COL11A1: variants seen among roughly 807,000 people sequenced by gnomAD.
The protein encoded by COL11A1 is collagen type XI alpha 1 chain, also known as collagen alpha-1(XI) chain.
COL11A1 carries 74 observed loss-of-function variants against 265.2 expected under a neutral mutation model. That is an observed-to-expected ratio of 0.28 (90% confidence interval 0.23 to 0.34). The LOEUF is 0.34. Among genes scored for constraint, COL11A1 ranks in the 10% least tolerant of loss-of-function variants. COL11A1 has a pLI of 1.00. For synonymous variants in COL11A1, 816 were observed against 727.6 expected, an observed-to-expected ratio of 1.12 and a Z score of -1.96; for missense variants, 2,165 against 2,263.6, an observed-to-expected ratio of 0.96 and a Z score of 0.88.
chr1:102,898,337 G>T (rs1022960672), intron 56 of COL11A1, among the ~76,000 whole-genome samples, 159 bp from the exon 57 acceptor site: 2 of 151,412 alleles, frequency 1.3e-5, no homozygotes, highest in African/African-American at 4.8e-5. Flanking sequence ...ATAATTTTGT[G>T]TCTTTAATAT....
intron 46 of COL11A1, among the ~76,000 whole-genome samples, chr1:102,924,933 T>C (rs1656421692): frequency 6.6e-6 from 1 of 151,978 alleles, no homozygotes; most frequent in South Asian, 2.1e-4. Context: ...GTTTCTAATA[T>C]TGTAGGATTA....
intron 32 of COL11A1, 49 bp from the exon 33 acceptor site, chr1:102,979,153 T>C: frequency 6.5e-7 from 1 of 1,545,194 alleles, no homozygotes; most frequent in Non-Finnish European, 8.9e-7. Context: ...CAGTAAATTA[T>C]GAGCCTGGTG....
At chr1:102,881,661 C>G in intron 65 of COL11A1, 36 bp downstream of exon 65, 3 of 1,493,450 alleles carry the variant, frequency 2.0e-6, no homozygotes, top group Non-Finnish European at 1.9e-6. Flanking sequence ...TTCTTGAGTT[C>G]GTGAAAAATC....
At chr1:102,941,396 T>A (rs1438053433) in intron 42 of COL11A1, among the ~76,000 whole-genome samples, 1 of 152,176 alleles carries the variant, frequency 6.6e-6, no homozygotes, top group Non-Finnish European at 1.5e-5. Context: ...AATCAGATCA[T>A]GTTACCTACA....
chr1:103,000,725 C>T (rs576383574), intron 24 of COL11A1, among the ~76,000 whole-genome samples: 1 of 151,950 alleles, frequency 6.6e-6, no homozygotes, highest in African/African-American at 2.4e-5. Context: ...TATAAGTTTA[C>T]CATAACACAA....
intron 11 of COL11A1, among the ~76,000 whole-genome samples, 196 bp from the exon 12 acceptor site, chr1:103,015,938 C>T (rs183269708): frequency 1.3e-4 from 20 of 151,904 alleles, no homozygotes; most frequent in Admixed American, 1.3e-4. Flanking sequence ...TAATAATGTT[C>T]GGTTATTAAT....
intron 22 of COL11A1, 89 bp downstream of exon 22, chr1:103,002,658 A>C: frequency 8.0e-7 from 1 of 1,255,890 alleles, no homozygotes; most frequent in Non-Finnish European, 1.2e-6. Flanking sequence ...AAATGTAATA[A>C]ATCATTATAT....
At chr1:102,999,495 G>A (rs1664921811) in intron 24 of COL11A1, among the ~76,000 whole-genome samples, 1 of 151,740 alleles carries the variant, frequency 6.6e-6, no homozygotes, top group Non-Finnish European at 1.5e-5. Context: ...TAATATATGA[G>A]TGAACTCGGA....
At chr1:102,960,924 GA>G (rs1180999690) in intron 41 of COL11A1, among the ~76,000 whole-genome samples, 2 of 152,068 alleles carry the variant, frequency 1.3e-5, no homozygotes, top group Non-Finnish European at 2.9e-5. Flanking sequence ...AAGGGGATAA[GA>G]AAATGAATCA....
chr1:102,890,020 T>C (rs971659758), intron 58 of COL11A1, among the ~76,000 whole-genome samples: 2 of 152,180 alleles, frequency 1.3e-5, no homozygotes, highest in African/African-American at 4.8e-5. Context: ...TAATACCATT[T>C]TTAAAAAGGC....
intron 1 of COL11A1, 140 bp downstream of exon 1, chr1:103,107,933 A>G: frequency 1.4e-6 from 1 of 711,178 alleles, no homozygotes; most frequent in Admixed American, 2.2e-5. Context: ...GGTAGCAGCT[A>G]CAATCTGGAT....
In COL11A1 at chr1:102,993,815, A is replaced by G. The variant is rs1158486825; in HGVS notation, c.2340+2049T>C. Among the ~76,000 whole-genome samples the G allele has an allele frequency of 2.6e-5, 4 of 152,320 alleles. No individual in the cohort carries two copies. In the East Asian group the frequency reaches 5.8e-4, roughly 22 times the overall value. Reference sequence around the variant, plus strand: ...TAGCCACCCAAAGTGTTGGGATTATAGGCATGTGCCACTGTGCCCAGTCAT... The same window carrying G: ...TAGCCACCCAAAGTGTTGGGATTATGGGCATGTGCCACTGTGCCCAGTCAT... On this transcript the variant is annotated intron_variant, in intron 28 of 66. Transcript: ENST00000370096.
At chr1:102,955,877 C>A (rs72985748) in intron 41 of COL11A1, among the ~76,000 whole-genome samples, 3,048 of 152,174 alleles carry the variant, frequency 0.02, 103 homozygotes, top group African/African-American at 0.07. Context: ...GTGTGTGCAT[C>A]AAGACATCCA....
intron 41 of COL11A1, among the ~76,000 whole-genome samples, chr1:102,950,824 A>C (rs1047124465): frequency 3.3e-5 from 5 of 152,044 alleles, no homozygotes; most frequent in African/African-American, 7.2e-5. Flanking sequence ...CATTATCCCC[A>C]CCTGTCAAGG....
intron 17 of COL11A1, 30 bp from the exon 18 acceptor site, chr1:103,005,921 TCA>T: frequency 6.2e-7 from 1 of 1,613,614 alleles, no homozygotes; most frequent in Non-Finnish European, 8.5e-7. Flanking sequence ...ATCATCATCA[TCA>T]TCATCATCAC....
intron 33 of COL11A1, 47 bp downstream of exon 33, chr1:102,979,013 T>A: frequency 6.2e-7 from 1 of 1,610,204 alleles, no homozygotes; most frequent in African/African-American, 1.3e-5. Context: ...CTTGATACAC[T>A]AAATTCAATA....
At chr1:103,009,097 A>G (rs1001142266) in intron 14 of COL11A1, among the ~76,000 whole-genome samples, 5 of 152,198 alleles carry the variant, frequency 3.3e-5, no homozygotes, top group African/African-American at 9.7e-5. Context: ...TGTATAACAA[A>G]CATCTCTTAA....
At chr1:103,004,262 T>G (rs1472663959) in intron 20 of COL11A1, among the ~76,000 whole-genome samples, 182 bp downstream of exon 20, 1 of 152,082 alleles carries the variant, frequency 6.6e-6, no homozygotes, top group African/African-American at 2.4e-5. Flanking sequence ...GTCTAAGATT[T>G]TCTCTGTAAC....
chr1:103,058,459 A>C (rs1246628514), intron 4 of COL11A1, among the ~76,000 whole-genome samples: 2 of 152,136 alleles, frequency 1.3e-5, no homozygotes, highest in Non-Finnish European at 2.9e-5. Context: ...TTTCCTTTGC[A>C]TTCATAACTC....
Sources: allele counts gnomAD v4.1 joint callset (sites outside exome capture counted in the v4.1 genomes callset), GRCh38; gene constraint gnomAD v4.1.1; transcripts MANE v1.5; gene names NCBI Gene and HGNC (gene_info 2026-07-23, HGNC 2026-07-21).